Variants in KRT8 observed in about 807,000 individuals in gnomAD.
The protein encoded by KRT8 is keratin, type II cytoskeletal 8.
A neutral mutation model predicts 43.0 loss-of-function variants in KRT8; 24 were observed. That is an observed-to-expected ratio of 0.56 (90% confidence interval 0.40 to 0.78). The LOEUF (loss-of-function observed/expected upper bound fraction) is 0.78. KRT8 is among the 30% of genes least tolerant of loss of function. KRT8 has a pLI of 0.00. For missense variants in KRT8, 492 were observed against 638.4 expected (o/e 0.77, Z 2.47); for synonymous variants, 214 against 261.2 (o/e 0.82, Z 1.74).
intron 2 of KRT8, among the ~76,000 whole-genome samples, chr12:52,943,001 C>A (rs2120737476): frequency 6.6e-6 from 1 of 152,116 alleles, no homozygotes; most frequent in Non-Finnish European, 1.5e-5. Context: ...CACTCCACTC[C>A]CCCAGAATCT....
At position 52,898,348 on chromosome 12, in the gene KRT8, A is replaced by G. The variant is rs995833870; in HGVS notation, c.1261+113T>C. The G allele has an allele frequency of 3.5e-6, 3 of 860,028 alleles. No homozygotes were observed. In the South Asian group the frequency reaches 4.3e-5, roughly 12 times the overall value. The allele number at this position is 860,028 out of a possible 1,614,324, so 53.3% of individuals were successfully genotyped here. A position where few individuals can be genotyped will look rare whatever the true frequency, so the allele number is the denominator to read the frequency against. On this transcript the variant is annotated intron_variant, in intron 7 of 7. Transcript: ENST00000692008. The stretch of plus-strand genomic sequence containing the variant: ...CCCACCCTAGGATTCTCCCAAGAAC[A>G]TGAGTGCTCAGGCTGAGGTCACTGT...
rs1942323964 is a variant in KRT8, at chr12:52,945,114, A to C, written c.-47+4342T>G. On this transcript the variant is annotated intron_variant, in intron 2 of 6. Transcript: ENST00000546826. Reference sequence around the variant, plus strand: ...TGTGCCAGATGCAGGGCTGGGCAGGAGGATTCCCATTCCACCCCAGATTCC... The same window carrying C: ...TGTGCCAGATGCAGGGCTGGGCAGGCGGATTCCCATTCCACCCCAGATTCC... Among the ~76,000 whole-genome samples the C allele has an allele frequency of 2.0e-5, 3 of 152,188 alleles. No individual in the cohort carries two copies. The South Asian group carries it at 6.2e-4, about 32-fold the overall frequency.
chr12:52,925,239 A>G lies in KRT8; in HGVS notation c.-46-20212T>C, dbSNP rs1056970945. 5.9e-5 allele frequency among the ~76,000 whole-genome samples: 9 copies of G among 152,166 alleles called. 1 individual carries two copies. Among genetic ancestry groups the G allele is most frequent in the South Asian group, 2.1e-4 (1 of 4,820 alleles). Reference sequence around the variant, plus strand: ...GGACCGGGAGGAATGCAGCTGGAGGAGGTGTGTATGCACAGTCTCCCCAGG... The same window carrying G: ...GGACCGGGAGGAATGCAGCTGGAGGGGGTGTGTATGCACAGTCTCCCCAGG... On this transcript the variant is annotated intron_variant, in intron 2 of 6. Transcript: ENST00000546826.
At position 52,948,876 on chromosome 12, in the gene KRT8, C is replaced by A. The variant is rs1410808153; in HGVS notation, c.-47+580G>T. 1.6e-5 allele frequency: 7 copies of A among 424,860 alleles called. No individual in the cohort carries two copies. The East Asian group carries it at 2.5e-4, about 15-fold the overall frequency. 26.3% of individuals were successfully genotyped at this position (424,860 alleles called of 1,614,324 possible). Reference sequence around the variant, plus strand: ...CGTCATTTCCTGCCCTGAAAGCAGCCTCGAGGGCCAACAACACCTGCTGTC... The same window carrying A: ...CGTCATTTCCTGCCCTGAAAGCAGCATCGAGGGCCAACAACACCTGCTGTC... On this transcript the variant is annotated intron_variant, in intron 2 of 6. Coordinates refer to the KRT8 transcript ENST00000546826.
At chr12:52,928,686 C>T (rs1942034602) in intron 2 of KRT8, among the ~76,000 whole-genome samples, 1 of 152,170 alleles carries the variant, frequency 6.6e-6, no homozygotes, top group South Asian at 2.1e-4. Flanking sequence ...GTGTGGATCA[C>T]CTGACGTCAG....
At chr12:52,937,385 A>AAG (rs573602282) in intron 2 of KRT8, among the ~76,000 whole-genome samples, 6 of 150,040 alleles carry the variant, frequency 4.0e-5, no homozygotes, top group South Asian at 2.1e-4. Flanking sequence ...AAAAAAAAAA[A>AAG]AGAGAGAGAG....
chr12:52,900,705 G>C, intron 3 of KRT8, 22 bp from the exon 4 acceptor site: 3 of 1,570,014 alleles, frequency 1.9e-6, no homozygotes, highest in Non-Finnish European at 2.6e-6. Context: ...GGAGAGGGGA[G>C]CCTGAGCTGG....
intron 2 of KRT8, among the ~76,000 whole-genome samples, chr12:52,931,790 G>A (rs1490160628): frequency 6.6e-6 from 1 of 151,962 alleles, no homozygotes; most frequent in African/African-American, 2.4e-5. Flanking sequence ...AGCCTCCTGA[G>A]TAGCTGGGAT....
intron 2 of KRT8, among the ~76,000 whole-genome samples, chr12:52,934,827 G>C (rs550115677): frequency 6.6e-6 from 1 of 151,886 alleles, no homozygotes; most frequent in Middle Eastern, 3.4e-3. Flanking sequence ...AAATTAGCTG[G>C]GCATGGTGGC....
chr12:52,915,289 C>T (rs1157125450), intron 2 of KRT8, among the ~76,000 whole-genome samples: 1 of 151,580 alleles, frequency 6.6e-6, no homozygotes, highest in Non-Finnish European at 1.5e-5. Context: ...AGGAGAATGG[C>T]GTGAACCCCA....
chr12:52,940,447 A>G (rs1272279052), intron 2 of KRT8, among the ~76,000 whole-genome samples: 3 of 151,224 alleles, frequency 2.0e-5, no homozygotes, highest in South Asian at 2.1e-4. Flanking sequence ...AAAAAAAAAA[A>G]AAAGAAAAGT....
upstream of KRT8, among the ~76,000 whole-genome samples, chr12:52,907,553 T>C (rs1470783875): frequency 1.3e-5 from 2 of 152,094 alleles, no homozygotes. Flanking sequence ...GTTCTAGGAG[T>C]GTCCCTTGTT....
chr12:52,927,905 C>A (rs1370449286), intron 2 of KRT8, among the ~76,000 whole-genome samples: 2 of 152,126 alleles, frequency 1.3e-5, no homozygotes, highest in African/African-American at 4.8e-5. Flanking sequence ...ATGGTGAAAC[C>A]CTGTCTCTAC....
intron 2 of KRT8, among the ~76,000 whole-genome samples, chr12:52,929,255 G>A (rs769052569): frequency 2.8e-5 from 4 of 142,760 alleles, no homozygotes; most frequent in Non-Finnish European, 3.0e-5. Flanking sequence ...GTATGATCTC[G>A]ATCTCAGCTC....
intron 7 of KRT8, 129 bp from the exon 8 acceptor site, chr12:52,897,747 T>C: frequency 1.6e-6 from 2 of 1,243,334 alleles, no homozygotes; most frequent in Non-Finnish European, 2.3e-6. Context: ...GCCTGATCAG[T>C]GATTGCATGG....
chr12:52,915,560 A>G (rs1032030745), intron 2 of KRT8, among the ~76,000 whole-genome samples: 1 of 151,648 alleles, frequency 6.6e-6, no homozygotes, highest in East Asian at 1.9e-4. Context: ...ATACAAAAAA[A>G]TCAGCCGAGC....
chr12:52,898,325 C>T, intron 7 of KRT8, 136 bp downstream of exon 7: 2 of 728,168 alleles, frequency 2.7e-6, no homozygotes, highest in Non-Finnish European at 4.7e-6. Context: ...TGTGCCTCCC[C>T]ACCCTAGGAT....
chr12:52,944,016 G>A (rs1942306629), intron 2 of KRT8, among the ~76,000 whole-genome samples: 1 of 152,184 alleles, frequency 6.6e-6, no homozygotes, highest in Non-Finnish European at 1.5e-5. Flanking sequence ...CTGGAGAGTA[G>A]TAAGTGCAAA....
chr12:52,900,009 G>A (rs563593721), exon 5 of KRT8: 1 of 1,613,038 alleles, frequency 6.2e-7, no homozygotes, highest in East Asian at 2.2e-5. Context: ...AGCGGCTGTT[G>A]TCCATGGACA....
Sources: allele counts gnomAD v4.1 joint callset (sites outside exome capture counted in the v4.1 genomes callset), GRCh38; gene constraint gnomAD v4.1.1; transcripts MANE v1.5; gene names NCBI Gene and HGNC (gene_info 2026-07-23, HGNC 2026-07-21).